Variants in IGF2BP2 observed in about 807,000 individuals in gnomAD.
The protein encoded by IGF2BP2 is insulin-like growth factor 2 mRNA-binding protein 2.
Under a neutral mutation model 75.8 loss-of-function variants are expected in IGF2BP2, and 17 were observed. That is an observed-to-expected ratio of 0.22 (90% CI 0.15 to 0.34). The LOEUF (loss-of-function observed/expected upper bound fraction) is 0.34. Among genes scored for constraint, IGF2BP2 ranks in the 10% least tolerant of loss-of-function variants. IGF2BP2 has a pLI of 1.00. For missense variants in IGF2BP2, 516 were observed against 772.4 expected, an observed-to-expected ratio of 0.67 and a Z score of 3.93; for synonymous variants, 288 against 295.6, an observed-to-expected ratio of 0.97 and a Z score of 0.26.
chr3:185,726,944 C>G (rs912110117), intron 2 of IGF2BP2, among the ~76,000 whole-genome samples: 47 of 152,302 alleles, frequency 3.1e-4, no homozygotes, highest in African/African-American at 9.1e-4. Context: ...GGAGGCCGAG[C>G]ACGGTGGCTC....
At chr3:185,810,170 C>G (rs1309581721) in intron 2 of IGF2BP2, among the ~76,000 whole-genome samples, 1 of 152,196 alleles carries the variant, frequency 6.6e-6, no homozygotes, top group African/African-American at 2.4e-5. Context: ...ATGTAAGTTA[C>G]ACATTTTTTT....
intron 2 of IGF2BP2, among the ~76,000 whole-genome samples, chr3:185,746,606 A>G (rs1730280660): frequency 6.6e-6 from 1 of 152,194 alleles, no homozygotes; most frequent in Non-Finnish European, 1.5e-5. Context: ...AGGAGACACC[A>G]TTTAACTTAT....
intron 2 of IGF2BP2, among the ~76,000 whole-genome samples, chr3:185,768,623 A>G (rs1236500107): frequency 6.6e-6 from 1 of 152,250 alleles, no homozygotes; most frequent in African/African-American, 2.4e-5. Context: ...AGGAAGCTTC[A>G]AATTCAGCAA....
chr3:185,713,473 A>G (rs1271167801), intron 2 of IGF2BP2: 1 of 519,874 alleles, frequency 1.9e-6, no homozygotes, highest in Non-Finnish European at 3.8e-6. Flanking sequence ...TCCAGATCCA[A>G]TGGTCAAGGT....
Position 185,677,068 on chromosome 3 carries a change from T to TATAGAG in IGF2BP2, c.813-1156_813-1155insCTCTAT. ...AGATATATATATATATATATATATA[T>TATAGAG]AGAGAGAGAGAGAGAGAGAGAGAGA... is the stretch of plus-strand genomic sequence containing the variant. On this transcript the variant is annotated intron_variant, in intron 7 of 15. Transcript: ENST00000382199. Among the ~76,000 whole-genome samples the TATAGAG allele has an allele frequency of 1.3e-3, 46 of 35,860 alleles. 1 individual carries two copies. Among genetic ancestry groups the TATAGAG allele is most frequent in the Non-Finnish European group, 1.6e-3 (34 of 21,534 alleles). The allele number at this position is 35,860 out of a possible 152,430, so 23.5% of individuals were successfully genotyped here. A position where few individuals can be genotyped will look rare whatever the true frequency, so the allele number is the denominator to read the frequency against.
At chr3:185,712,813 A>G (rs1276742659) in intron 2 of IGF2BP2, among the ~76,000 whole-genome samples, 1 of 152,184 alleles carries the variant, frequency 6.6e-6, no homozygotes, top group East Asian at 1.9e-4. Context: ...TAGGTGACAA[A>G]CTCCACTGTA....
chr3:185,731,017 CTGA>C (rs1464610952), intron 2 of IGF2BP2, among the ~76,000 whole-genome samples: 1 of 151,926 alleles, frequency 6.6e-6, no homozygotes, highest in African/African-American at 2.4e-5. Flanking sequence ...TTTAAATAAA[CTGA>C]TGTTTACATT....
At chr3:185,798,966 G>A (rs912401686) in intron 2 of IGF2BP2, among the ~76,000 whole-genome samples, 4 of 151,714 alleles carry the variant, frequency 2.6e-5, no homozygotes, top group Non-Finnish European at 5.9e-5. Flanking sequence ...TTGTAGCAAC[G>A]GGTTTCACCA....
At chr3:185,808,875 G>C (rs1294921038) in intron 2 of IGF2BP2, among the ~76,000 whole-genome samples, 1 of 152,084 alleles carries the variant, frequency 6.6e-6, no homozygotes, top group African/African-American at 2.4e-5. Flanking sequence ...ACCTAATAGA[G>C]AGCATTTGAC....
chr3:185,684,608 T>C (rs1447349016), intron 7 of IGF2BP2, among the ~76,000 whole-genome samples: 1 of 152,170 alleles, frequency 6.6e-6, no homozygotes, highest in Admixed American at 6.5e-5. Flanking sequence ...TTTCACTATA[T>C]GTTGGACAGG....
chr3:185,666,940 T>C (rs778666786), intron 10 of IGF2BP2, among the ~76,000 whole-genome samples: 14 of 152,246 alleles, frequency 9.2e-5, no homozygotes, highest in Non-Finnish European at 1.9e-4. Flanking sequence ...AATCTTTTCT[T>C]TGATTTTCCC....
chr3:185,788,995 G>A (rs184208773), intron 2 of IGF2BP2, among the ~76,000 whole-genome samples: 111 of 152,166 alleles, frequency 7.3e-4, no homozygotes, highest in Non-Finnish European at 7.6e-4. Context: ...TTACAGGTGT[G>A]AGCCACTGTG....
chr3:185,804,118 G>A (rs954768827), intron 2 of IGF2BP2, among the ~76,000 whole-genome samples: 2 of 152,174 alleles, frequency 1.3e-5, no homozygotes, highest in Non-Finnish European at 2.9e-5. Flanking sequence ...TTAGCCAGGC[G>A]TGGTGGCATG....
chr3:185,672,084 T>C (rs938244715), intron 10 of IGF2BP2, among the ~76,000 whole-genome samples: 2 of 152,218 alleles, frequency 1.3e-5, no homozygotes, highest in African/African-American at 4.8e-5. Flanking sequence ...ATATTTTCTT[T>C]TAAAAATTGC....
chr3:185,724,528 T>TA (rs1246085070), intron 2 of IGF2BP2: 1 of 152,248 alleles, frequency 6.6e-6, no homozygotes, highest in Non-Finnish European at 1.5e-5. Flanking sequence ...ACTTATTAAC[T>TA]GAATGACCCT....
At chr3:185,762,638 C>T (rs1732535032) in intron 2 of IGF2BP2, among the ~76,000 whole-genome samples, 1 of 151,880 alleles carries the variant, frequency 6.6e-6, no homozygotes, top group African/African-American at 2.4e-5. Context: ...GGTCAAATCC[C>T]TTGAAGAAGC....
chr3:185,710,152 A>ATTTT (rs567527407), intron 2 of IGF2BP2, among the ~76,000 whole-genome samples: 54 of 117,526 alleles, frequency 4.6e-4, no homozygotes, highest in African/African-American at 1.6e-3. Context: ...GTAGTTTTAG[A>ATTTT]TTTTTTTTTT....
rs555567136 is a variant in IGF2BP2, at chr3:185,703,141, CAT to C, written c.240-4796_240-4795del. Among the ~76,000 whole-genome samples the C allele has an allele frequency of 1.4e-3, 206 of 152,338 alleles. 1 individual carries two copies. The highest frequency in any genetic ancestry group is 2.4e-3 in the Admixed American group (36 of 15,300). ...ACTCTGGTCAATTGATTATAGCACA[CAT>C]GTGTGGACTATCAAACTGTAAAGAA... On this transcript the variant is annotated intron_variant, in intron 2 of 15. Coordinates refer to ENST00000382199, the MANE Select transcript of IGF2BP2 (RefSeq NM_006548.6).
At chr3:185,728,026 G>T (rs1174775836) in intron 2 of IGF2BP2, among the ~76,000 whole-genome samples, 2 of 152,144 alleles carry the variant, frequency 1.3e-5, no homozygotes, top group African/African-American at 2.4e-5. Context: ...TAATGCCCCG[G>T]AGATGACTGT....
Sources: gnomAD v4.1 joint callset for allele counts (sites outside exome capture counted in the v4.1 genomes callset) on GRCh38, gnomAD v4.1.1 for gene constraint, MANE v1.5 for transcripts, NCBI Gene and HGNC (gene_info 2026-07-23, HGNC 2026-07-21) for gene names.